Variants in KCND2 observed in about 807,000 individuals in gnomAD.
KCND2 encodes potassium voltage-gated channel subfamily D member 2, also known as A-type voltage-gated potassium channel KCND2.
A neutral mutation model predicts 54.4 loss-of-function variants in KCND2; 16 were observed. That is an observed-to-expected ratio of 0.29 (90% CI 0.20 to 0.45). The LOEUF (loss-of-function observed/expected upper bound fraction) is 0.45, where lower values mean the gene tolerates loss of function less well. Among genes scored for constraint, KCND2 ranks in the 20% least tolerant of loss-of-function variants. KCND2 has a pLI of 1.00. For synonymous variants in KCND2, 317 were observed against 310.7 expected, an observed-to-expected ratio of 1.02 and a Z score of -0.21; for missense variants, 486 against 824.2, an observed-to-expected ratio of 0.59 and a Z score of 5.02.
intron 1 of KCND2, among the ~76,000 whole-genome samples, chr7:120,508,737 C>A (rs1443283642): frequency 1.3e-5 from 2 of 151,854 alleles, no homozygotes; most frequent in Non-Finnish European, 2.9e-5. Flanking sequence ...GTAAAATAAT[C>A]CTTATGGATT....
In KCND2 at chr7:120,309,472, T is replaced by TAC. The variant is rs1491288641; in HGVS notation, c.1115+33726_1115+33727insCA. On this transcript the variant is annotated intron_variant, in intron 1 of 5. Coordinates refer to ENST00000331113, the MANE Select transcript of KCND2 (RefSeq NM_012281.3). ...GAAAACATATATATATATATATATATATACACACACACACACACACACACA... is the reference window on the plus strand; with the variant it reads ...GAAAACATATATATATATATATATATACATACACACACACACACACACACACA... Among the ~76,000 whole-genome samples, 584 of 122,584 alleles carry TAC rather than the reference T, an allele frequency of 4.8e-3. 6 individuals carry two copies. Among genetic ancestry groups the TAC allele is most frequent in the African/African-American group, 0.015 (508 of 33,332 alleles). 80.4% of individuals were successfully genotyped at this position (122,584 alleles called of 152,430 possible). A position where few individuals can be genotyped will look rare whatever the true frequency, so the allele number is the denominator to read the frequency against.
chr7:120,547,990 C>T (rs747780864), intron 1 of KCND2, among the ~76,000 whole-genome samples: 1 of 151,980 alleles, frequency 6.6e-6, no homozygotes, highest in African/African-American at 2.4e-5. Context: ...GACCAAGAGC[C>T]CTTAACTCCT....
intron 1 of KCND2, among the ~76,000 whole-genome samples, chr7:120,340,049 C>T (rs1800218431): frequency 6.6e-6 from 1 of 152,156 alleles, no homozygotes; most frequent in African/African-American, 2.4e-5. Flanking sequence ...TAGTGTTTCA[C>T]AGGTGCTTGT....
At chr7:120,595,619 G>T (rs1202941578) in intron 1 of KCND2, among the ~76,000 whole-genome samples, 1 of 77,744 alleles carries the variant, frequency 1.3e-5, no homozygotes, top group South Asian at 5.0e-4. Context: ...ATATACACCA[G>T]AACTTTTAAA....
chr7:120,491,549 C>T (rs777766841), intron 1 of KCND2, among the ~76,000 whole-genome samples: 13 of 152,006 alleles, frequency 8.6e-5, no homozygotes, highest in Non-Finnish European at 1.6e-4. Flanking sequence ...TACTAGCCTA[C>T]ATTTGTGGTA....
At chr7:120,554,144 A>G (rs1457456712) in intron 1 of KCND2, among the ~76,000 whole-genome samples, 2 of 152,222 alleles carry the variant, frequency 1.3e-5, no homozygotes, top group African/African-American at 4.8e-5. Flanking sequence ...CACACCAAAT[A>G]TTAAATAGGA....
chr7:120,528,367 T>TA (rs1405649392), intron 1 of KCND2, among the ~76,000 whole-genome samples: 1 of 152,216 alleles, frequency 6.6e-6, no homozygotes, highest in Non-Finnish European at 1.5e-5. Context: ...ATTTATTATT[T>TA]AAAAAAACAA....
chr7:120,574,532 C>A (rs1255384836), intron 1 of KCND2, among the ~76,000 whole-genome samples: 1 of 152,084 alleles, frequency 6.6e-6, no homozygotes, highest in Admixed American at 6.6e-5. Flanking sequence ...TATCAAAAAA[C>A]TAAAATAAAT....
chr7:120,383,450 A>G (rs1800940677), intron 1 of KCND2, among the ~76,000 whole-genome samples: 1 of 152,060 alleles, frequency 6.6e-6, no homozygotes, highest in African/African-American at 2.4e-5. Context: ...GAAAATAGAA[A>G]TTAAACTATT....
chr7:120,544,791 G>A (rs1792023436), intron 1 of KCND2, among the ~76,000 whole-genome samples: 1 of 151,868 alleles, frequency 6.6e-6, no homozygotes, highest in South Asian at 2.1e-4. Context: ...ATTCTTCAGT[G>A]ACTGAAAAAG....
intron 1 of KCND2, among the ~76,000 whole-genome samples, chr7:120,439,075 G>T (rs766421532): frequency 2.6e-5 from 4 of 152,184 alleles, no homozygotes; most frequent in African/African-American, 4.8e-5. Context: ...ATTTGGACGA[G>T]AAGACTAAGC....
At chr7:120,507,445 C>A (rs947927664) in intron 1 of KCND2, among the ~76,000 whole-genome samples, 1 of 151,850 alleles carries the variant, frequency 6.6e-6, no homozygotes, top group Non-Finnish European at 1.5e-5. Flanking sequence ...TTTCAGCCTT[C>A]CTTGCAGTTA....
intron 1 of KCND2, among the ~76,000 whole-genome samples, chr7:120,568,895 TTTTTA>T (rs1237405814): frequency 6.6e-6 from 1 of 152,132 alleles, no homozygotes. Flanking sequence ...GCATATCTTT[TTTTTA>T]ATTTTGTTTC....
chr7:120,636,509 G>A (rs1259457000), intron 1 of KCND2, among the ~76,000 whole-genome samples: 1 of 152,020 alleles, frequency 6.6e-6, no homozygotes, highest in African/African-American at 2.4e-5. Context: ...GAAGCAATTA[G>A]CACAGCAGGC....
chr7:120,485,113 C>A (rs1489545802), intron 1 of KCND2, among the ~76,000 whole-genome samples: 3 of 152,132 alleles, frequency 2.0e-5, no homozygotes, highest in Non-Finnish European at 2.9e-5. Context: ...GTCTCCAACT[C>A]CTGGGCTCAA....
chr7:120,653,668 A>T lies in KCND2; in HGVS notation c.1116-79235A>T, dbSNP rs543839513. Among the ~76,000 whole-genome samples, 196 of 152,346 alleles carry T rather than the reference A, an allele frequency of 1.3e-3. 5 individuals are homozygous for T. In the South Asian group the frequency reaches 0.039, roughly 30 times the overall value. Reference sequence around the variant, plus strand: ...TTTACATCATAGTTTTATTGTAGGGATAAAAAGGAGATGTTGTTCAGCATC... The same window carrying T: ...TTTACATCATAGTTTTATTGTAGGGTTAAAAAGGAGATGTTGTTCAGCATC... On this transcript the variant is annotated intron_variant, in intron 1 of 5. Transcript: ENST00000331113.
chr7:120,594,519 C>T (rs951787233), intron 1 of KCND2, among the ~76,000 whole-genome samples: 3 of 152,208 alleles, frequency 2.0e-5, no homozygotes, highest in African/African-American at 7.2e-5. Flanking sequence ...GGAGGCTCCA[C>T]TCTCTTGACC....
chr7:120,642,930 A>C (rs567730822), intron 1 of KCND2, among the ~76,000 whole-genome samples: 200 of 152,300 alleles, frequency 1.3e-3, no homozygotes, highest in Non-Finnish European at 2.3e-3. Flanking sequence ...CATGTATCAG[A>C]ATTTCTGCAA....
At chr7:120,291,912 C>T (rs544409390) in intron 1 of KCND2, among the ~76,000 whole-genome samples, 1 of 151,892 alleles carries the variant, frequency 6.6e-6, no homozygotes, top group Admixed American at 6.6e-5. Flanking sequence ...CCTGATTTTC[C>T]TTCTGCCAAA....
Sources: allele counts gnomAD v4.1 joint callset (sites outside exome capture counted in the v4.1 genomes callset), GRCh38; gene constraint gnomAD v4.1.1; transcripts MANE v1.5; gene names NCBI Gene and HGNC (gene_info 2026-07-23, HGNC 2026-07-21).